ZFAT: variants seen among roughly 807,000 people sequenced by gnomAD.
ZFAT encodes the protein zinc finger and AT-hook domain containing.
In ZFAT, 64 loss-of-function variants were observed where a neutral mutation model predicts 117.7. The ratio of observed to expected loss-of-function variants is 0.54; its 90% CI spans 0.44 to 0.67. The LOEUF is 0.67. ZFAT is among the 30% of genes least tolerant of loss of function. The pLI is 0.00. For synonymous variants in ZFAT, 679 were observed against 615.0 expected (o/e 1.10, Z -1.54); for missense variants, 1,433 against 1,584.5 (o/e 0.90, Z 1.62).
At chr8:134,520,529 A>G (rs1820581830) in intron 13 of ZFAT, among the ~76,000 whole-genome samples, 3 of 152,134 alleles carry the variant, frequency 2.0e-5, no homozygotes, top group South Asian at 2.1e-4. Flanking sequence ...GCCTTTTCCA[A>G]TTCTCTCGGT....
chr8:134,796,502 G>A, the ZFAT span: 3 of 152,210 alleles, frequency 2.0e-5, no homozygotes, highest in African/African-American at 4.8e-5. Flanking sequence ...TGTGAGAGGA[G>A]AAAGCACTTC....
chr8:134,746,527 C>T, the ZFAT span, among the ~76,000 whole-genome samples: 3 of 152,194 alleles, frequency 2.0e-5, no homozygotes, highest in Non-Finnish European at 4.4e-5. Flanking sequence ...TTGGGTCTTT[C>T]TCCACTAAAC....
intron 2 of ZFAT, among the ~76,000 whole-genome samples, chr8:134,654,231 G>C (rs575290309): frequency 6.6e-6 from 1 of 152,032 alleles, no homozygotes; most frequent in Non-Finnish European, 1.5e-5. Flanking sequence ...GGAGACGGAC[G>C]TTGCAGTGAG....
At chr8:134,757,967 C>G in the ZFAT span, among the ~76,000 whole-genome samples, 92 of 152,326 alleles carry the variant, frequency 6.0e-4, 1 homozygote, top group African/African-American at 2.2e-3. Context: ...CTGCAACTGA[C>G]TGCTGATCAA....
the ZFAT span, among the ~76,000 whole-genome samples, chr8:134,740,771 A>G: frequency 2.0e-5 from 3 of 152,190 alleles, no homozygotes; most frequent in East Asian, 5.8e-4. Context: ...CTCCCTCAGC[A>G]GGGCTAGGCA....
intron 10 of ZFAT, among the ~76,000 whole-genome samples, chr8:134,576,877 T>C (rs1015354209): frequency 8.5e-5 from 13 of 152,268 alleles, no homozygotes; most frequent in Non-Finnish European, 1.8e-4. Flanking sequence ...CCCAAAAACT[T>C]CTTAATTAAA....
At chr8:134,774,324 T>C in the ZFAT span, among the ~76,000 whole-genome samples, 8 of 152,178 alleles carry the variant, frequency 5.3e-5, no homozygotes, top group African/African-American at 1.9e-4. Flanking sequence ...AGAATTTCTA[T>C]TGTAGGTAAA....
chr8:134,827,229 A>T, the ZFAT span, among the ~76,000 whole-genome samples: 3 of 151,942 alleles, frequency 2.0e-5, no homozygotes, highest in Non-Finnish European at 2.9e-5. Context: ...CTGTTTTGTT[A>T]TTTTTGTAGA....
intron 13 of ZFAT, among the ~76,000 whole-genome samples, chr8:134,514,236 T>C (rs1009636058): frequency 1.3e-5 from 2 of 152,172 alleles, no homozygotes; most frequent in Admixed American, 6.5e-5. Flanking sequence ...ACTATTTCTG[T>C]TGGGTTCACG....
chr8:134,531,011 T>C (rs921667989), intron 12 of ZFAT, among the ~76,000 whole-genome samples: 3 of 152,196 alleles, frequency 2.0e-5, no homozygotes, highest in Non-Finnish European at 4.4e-5. Context: ...CAACTGTGAA[T>C]ATATATCTGT....
At chr8:134,633,399 CA>C (rs1379686939) in intron 3 of ZFAT, among the ~76,000 whole-genome samples, 1 of 152,114 alleles carries the variant, frequency 6.6e-6, no homozygotes, top group Non-Finnish European at 1.5e-5. Context: ...GGCATAAGTG[CA>C]AAAAATAATA....
chr8:134,610,633 T>C lies in ZFAT; in HGVS notation c.471A>G (p.Leu157=). The C allele has an allele frequency of 6.2e-7, 1 of 1,614,124 alleles. No homozygotes were observed. Among genetic ancestry groups the C allele is most frequent in the Non-Finnish European group, 8.5e-7 (1 of 1,180,018 alleles). Residue 157 remains leucine, a synonymous_variant, in exon 4 of 16, where the codon CTA becomes CTG. Coordinates refer to ENST00000377838, the MANE Select transcript of ZFAT (RefSeq NM_020863.4). ...GEAGNESDLE[L]EKKCKEDDRE... ...GATCATCTTCCTTACACTTCTTTTC[T>C]AGTTCAAGGTCAGACTCGTTACCTA...
chr8:134,524,965 G>A (rs908981569), intron 12 of ZFAT, among the ~76,000 whole-genome samples: 4 of 152,222 alleles, frequency 2.6e-5, no homozygotes, highest in Admixed American at 1.3e-4. Context: ...ACACAGGCAT[G>A]CTTAGCTTGT....
At chr8:134,626,118 G>T (rs1312432745) in intron 3 of ZFAT, among the ~76,000 whole-genome samples, 2 of 152,174 alleles carry the variant, frequency 1.3e-5, no homozygotes. Context: ...GTACCCTTTG[G>T]TCATTAAGAG....
At chr8:134,573,358 C>T (rs980847396) in intron 10 of ZFAT, among the ~76,000 whole-genome samples, 1 of 152,074 alleles carries the variant, frequency 6.6e-6, no homozygotes, top group Admixed American at 6.6e-5. Context: ...TCTTGAGAAT[C>T]GGCAACAAAT....
intron 1 of ZFAT, among the ~76,000 whole-genome samples, chr8:134,707,427 T>TA (rs78520406): frequency 1.8e-4 from 27 of 149,542 alleles, no homozygotes; most frequent in East Asian, 1.2e-3. Context: ...AGCCTAATAG[T>TA]AAAAAAAAAA....
intron 15 of ZFAT, among the ~76,000 whole-genome samples, chr8:134,499,151 G>A (rs1160841889): frequency 1.6e-5 from 2 of 127,860 alleles, no homozygotes; most frequent in Non-Finnish European, 3.4e-5. Context: ...TAGGGTTGGC[G>A]TGGAGCTGGG....
intron 10 of ZFAT, 135 bp from the exon 11 acceptor site, chr8:134,565,556 G>A (rs200816227): frequency 1.9e-5 from 16 of 836,026 alleles, no homozygotes; most frequent in East Asian, 1.6e-4. Flanking sequence ...AGGGAACAGC[G>A]ACGAGGTGCA....
At chr8:134,493,497 T>G (rs1481400192) in intron 15 of ZFAT, among the ~76,000 whole-genome samples, 1 of 152,212 alleles carries the variant, frequency 6.6e-6, no homozygotes. Flanking sequence ...ATCTTGTACC[T>G]CTTGCATGTC....
Sources: gnomAD v4.1 joint callset for allele counts (sites outside exome capture counted in the v4.1 genomes callset) on GRCh38, gnomAD v4.1.1 for gene constraint, MANE v1.5 for transcripts, NCBI Gene and HGNC (gene_info 2026-07-23, HGNC 2026-07-21) for gene names.